EPHA6: variants seen among roughly 807,000 people sequenced by gnomAD.
EPHA6 encodes EPH receptor A6.
EPHA6 carries 50 observed loss-of-function variants against 112.0 expected under a neutral mutation model. That is an observed-to-expected ratio of 0.45 (90% confidence interval 0.36 to 0.56). The LOEUF is 0.56. Among genes scored for constraint, EPHA6 ranks in the 20% least tolerant of loss-of-function variants. The pLI is 0.00. For missense variants in EPHA6, 1,280 were observed against 1,417.4 expected, an observed-to-expected ratio of 0.90 and a Z score of 1.56; for synonymous variants, 529 against 490.7, an observed-to-expected ratio of 1.08 and a Z score of -1.03.
At chr3:97,502,025 T>G (rs1203045438) in intron 10 of EPHA6, among the ~76,000 whole-genome samples, 1 of 151,882 alleles carries the variant, frequency 6.6e-6, no homozygotes, top group African/African-American at 2.4e-5. Flanking sequence ...TGATGGATCC[T>G]CACGACATTA....
chr3:97,350,033 A>G (rs1268005937), intron 5 of EPHA6, among the ~76,000 whole-genome samples: 1 of 151,896 alleles, frequency 6.6e-6, no homozygotes, highest in Non-Finnish European at 1.5e-5. Context: ...TAGATATGCC[A>G]GGGTAACTCC....
chr3:97,067,183 T>C (rs1426936332), intron 3 of EPHA6, among the ~76,000 whole-genome samples: 1 of 152,150 alleles, frequency 6.6e-6, no homozygotes, highest in African/African-American at 2.4e-5. Context: ...CCAGTGTCCA[T>C]CTGCCTTAGG....
chr3:96,853,174 G>A (rs1231455098), intron 1 of EPHA6, among the ~76,000 whole-genome samples: 1 of 151,926 alleles, frequency 6.6e-6, no homozygotes, highest in Non-Finnish European at 1.5e-5. Context: ...CAGCTTGAGA[G>A]CAATAATAGG....
At chr3:96,941,544 T>G (rs1474719047) in intron 2 of EPHA6, among the ~76,000 whole-genome samples, 2 of 152,238 alleles carry the variant, frequency 1.3e-5, no homozygotes, top group East Asian at 3.8e-4. Context: ...TTGGTTTGAA[T>G]TTCTTCCTGT....
chr3:97,273,669 G>A (rs949060840), intron 5 of EPHA6, among the ~76,000 whole-genome samples: 8 of 152,122 alleles, frequency 5.3e-5, no homozygotes, highest in African/African-American at 1.9e-4. Context: ...GAAGACTGAG[G>A]ACCGTAGGGG....
In EPHA6 at chr3:97,089,964, T is replaced by C. The variant is rs146948200; in HGVS notation, c.1114+101971T>C. 2.6e-5 allele frequency among the ~76,000 whole-genome samples: 4 copies of C among 152,226 alleles called. No individual in the cohort carries two copies. In the East Asian group the frequency reaches 7.7e-4, roughly 29 times the overall value. ...TAAAGCAATATAAATCATATTGAAA[T>C]TTTGTCTGTATTTAATTACTGAGTA... On this transcript the variant is annotated intron_variant, in intron 3 of 17. Transcript: ENST00000389672.
At position 96,988,006 on chromosome 3, in the gene EPHA6, C is replaced by A; in HGVS notation, c.1114+13C>A. On this transcript the variant is annotated intron_variant, in intron 3 of 17. Transcript: ENST00000389672. ...GGTTCTTGCCATGGTAAGAAACAAACATTTAAATAATTTATCTTGCATTTA... is the reference window on the plus strand; with the variant it reads ...GGTTCTTGCCATGGTAAGAAACAAAAATTTAAATAATTTATCTTGCATTTA... The A allele has an allele frequency of 6.6e-7, 1 of 1,521,438 alleles. No individual in the cohort carries two copies. Among genetic ancestry groups the A allele is most frequent in the Non-Finnish European group, 8.8e-7 (1 of 1,132,004 alleles). The allele number at this position is 1,521,438 out of a possible 1,614,324, so 94.2% of individuals were successfully genotyped here.
intron 5 of EPHA6, among the ~76,000 whole-genome samples, chr3:97,320,979 A>C (rs2082092677): frequency 6.6e-6 from 1 of 152,012 alleles, no homozygotes; most frequent in African/African-American, 2.4e-5. Flanking sequence ...TGTCACAAAC[A>C]TTATGAAACT....
intron 3 of EPHA6, chr3:97,010,222 C>A (rs1041330616): frequency 1.7e-6 from 1 of 583,972 alleles, no homozygotes; most frequent in Non-Finnish European, 2.5e-6. Flanking sequence ...AAGGGAAATT[C>A]TAGATTATTT....
At chr3:96,875,903 T>A (rs769706764) in intron 2 of EPHA6, among the ~76,000 whole-genome samples, 3 of 151,702 alleles carry the variant, frequency 2.0e-5, no homozygotes, top group Non-Finnish European at 4.4e-5. Context: ...AGTCTTTACT[T>A]CCAAGAGAAG....
At chr3:97,341,975 G>A (rs995629525) in intron 5 of EPHA6, among the ~76,000 whole-genome samples, 16 of 152,110 alleles carry the variant, frequency 1.1e-4, no homozygotes, top group African/African-American at 3.1e-4. Flanking sequence ...ATATATAGAA[G>A]GCACATTTTG....
At chr3:96,969,436 C>A (rs949573862) in intron 2 of EPHA6, among the ~76,000 whole-genome samples, 1 of 151,738 alleles carries the variant, frequency 6.6e-6, no homozygotes, top group African/African-American at 2.4e-5. Context: ...TTTGACCTTC[C>A]AAGAACCATC....
At chr3:97,313,716 T>C (rs2081667964) in intron 5 of EPHA6, among the ~76,000 whole-genome samples, 1 of 151,716 alleles carries the variant, frequency 6.6e-6, no homozygotes, top group African/African-American at 2.4e-5. Context: ...TTTGCTCATT[T>C]TAAAATTGTT....
chr3:97,374,804 C>A (rs1401482078), intron 5 of EPHA6, among the ~76,000 whole-genome samples: 1 of 152,090 alleles, frequency 6.6e-6, no homozygotes, highest in Non-Finnish European at 1.5e-5. Flanking sequence ...GGCCATTATC[C>A]TAAACAGAAA....
At chr3:97,458,009 A>T (rs2107366448) in intron 7 of EPHA6, among the ~76,000 whole-genome samples, 1 of 127,850 alleles carries the variant, frequency 7.8e-6, no homozygotes, top group South Asian at 2.7e-4. Context: ...CGGAGCTTGC[A>T]GTGAGCCGAG....
chr3:97,007,952 AG>A (rs1223132972), intron 3 of EPHA6, among the ~76,000 whole-genome samples: 1 of 152,168 alleles, frequency 6.6e-6, no homozygotes, highest in Admixed American at 6.5e-5. Context: ...TCTTGCTTGT[AG>A]GGTTTCTGCT....
intron 11 of EPHA6, among the ~76,000 whole-genome samples, chr3:97,552,711 C>A (rs1481715099): frequency 6.6e-6 from 1 of 152,150 alleles, no homozygotes; most frequent in Non-Finnish European, 1.5e-5. Flanking sequence ...AAAGGAATTG[C>A]AGTAAATACT....
At chr3:96,867,906 C>T (rs970451280) in intron 2 of EPHA6, among the ~76,000 whole-genome samples, 2 of 151,798 alleles carry the variant, frequency 1.3e-5, no homozygotes, top group African/African-American at 4.8e-5. Context: ...TCTTTAACAG[C>T]CCATTTGCTT....
At position 97,549,072 on chromosome 3, in the gene EPHA6, A is replaced by G. The variant is rs984016212; in HGVS notation, c.2386+16529A>G. ...TAGCATATACAATTATACACTGTACATAATGCTTGATAATAAATGACTATG... is the reference window on the plus strand; with the variant it reads ...TAGCATATACAATTATACACTGTACGTAATGCTTGATAATAAATGACTATG... On this transcript the variant is annotated intron_variant, in intron 11 of 17. Coordinates refer to ENST00000389672, the MANE Select transcript of EPHA6 (RefSeq NM_001080448.3). Among the ~76,000 whole-genome samples the G allele has an allele frequency of 4.6e-5, 7 of 152,224 alleles. 1 individual carries two copies. The South Asian group carries it at 1.4e-3, about 32-fold the overall frequency.
Sources: allele counts gnomAD v4.1 joint callset (sites outside exome capture counted in the v4.1 genomes callset), GRCh38; gene constraint gnomAD v4.1.1; transcripts MANE v1.5; gene names NCBI Gene and HGNC (gene_info 2026-07-23, HGNC 2026-07-21).